MXD1: variants seen among roughly 807,000 people sequenced by gnomAD.
MXD1 encodes the protein MAX dimerization protein 1, also known as MAX-binding protein.
A neutral mutation model predicts 25.7 loss-of-function variants in MXD1; 9 were observed. The observed-to-expected ratio is 0.35, with a 90% CI of 0.21 to 0.61. MXD1 has a LOEUF of 0.61. Ranked by LOEUF, MXD1 falls within the 20% of genes least tolerant of loss-of-function variation. MXD1 has a pLI of 0.75. For missense variants in MXD1, 227 were observed against 292.4 expected (o/e 0.78, Z 1.63); for synonymous variants, 99 against 113.9 (o/e 0.87, Z 0.83).
chr2:69,932,204 C>T (rs1356255639), intron 3 of MXD1, among the ~76,000 whole-genome samples: 1 of 151,802 alleles, frequency 6.6e-6, no homozygotes, highest in Non-Finnish European at 1.5e-5. Context: ...ATTCTAGATC[C>T]CAGGAGTTTG....
At chr2:69,937,054 C>G in intron 4 of MXD1, 181 bp from the exon 5 acceptor site, 1 of 803,198 alleles carries the variant, frequency 1.2e-6, no homozygotes, top group South Asian at 1.4e-5. Context: ...GCTGAAGAGT[C>G]AGACGAAGCC....
intron 3 of MXD1, among the ~76,000 whole-genome samples, chr2:69,924,610 T>C (rs1677135408): frequency 6.6e-6 from 1 of 152,206 alleles, no homozygotes; most frequent in Admixed American, 6.5e-5. Context: ...CTGAGTTCTA[T>C]AAAAGAATAC....
At chr2:69,933,200 CAAAAAAAAAAAAA>C (rs59201689) in intron 3 of MXD1, among the ~76,000 whole-genome samples, 1 of 80,144 alleles carries the variant, frequency 1.2e-5, no homozygotes, top group African/African-American at 4.2e-5. Flanking sequence ...AACTCTGTCT[CAAAAAAAAAAAAA>C]AAAAAAAAAA....
chr2:69,936,679 G>A (rs1027520611), intron 4 of MXD1, among the ~76,000 whole-genome samples: 2 of 152,198 alleles, frequency 1.3e-5, no homozygotes, highest in East Asian at 3.8e-4. Flanking sequence ...CTATGGAAAT[G>A]TGTTTTCTAA....
At position 69,938,365 on chromosome 2, in the gene MXD1, T is replaced by C; in HGVS notation, c.*81T>C. The C allele has an allele frequency of 1.4e-6, 2 of 1,433,342 alleles. No homozygotes were observed. Among genetic ancestry groups the C allele is most frequent in the Non-Finnish European group, 1.9e-6 (2 of 1,043,606 alleles). The allele number at this position is 1,433,342 out of a possible 1,614,324, so 88.8% of individuals were successfully genotyped here. ...GTAACGTATTGGACCTGCCCACAAC[T>C]CCCTTGCACGTAAACTTCAGTGTCC... On this transcript the variant is annotated 3_prime_UTR_variant, in exon 6 of 6. Coordinates refer to ENST00000264444, the MANE Select transcript of MXD1 (RefSeq NM_002357.4).
intron 3 of MXD1, among the ~76,000 whole-genome samples, chr2:69,926,455 A>T (rs1250546557): frequency 6.6e-6 from 1 of 152,136 alleles, no homozygotes; most frequent in African/African-American, 2.4e-5. Context: ...TTGACATTGC[A>T]TAATTCCAAT....
At chr2:69,930,479 A>G (rs1399688947) in intron 3 of MXD1, among the ~76,000 whole-genome samples, 1 of 152,216 alleles carries the variant, frequency 6.6e-6, no homozygotes, top group African/African-American at 2.4e-5. Context: ...GTGAACAGGA[A>G]ATAAAGGAAT....
chr2:69,940,007 T>C lies in MXD1; in HGVS notation c.*1723T>C, dbSNP rs1677558253. 6.6e-6 allele frequency: 1 copy of C among 152,128 alleles called. No homozygotes were observed. The highest frequency in any genetic ancestry group is 1.5e-5 in the Non-Finnish European group (1 of 68,024). The allele number at this position is 152,128 out of a possible 1,614,324, so 9.4% of individuals were successfully genotyped here. ...TGTTTTTTAAAAAATGATTCTTTAA[T>C]GTATTTTTCTAAACATTCTGATTGG... On this transcript the variant is annotated 3_prime_UTR_variant, in exon 6 of 6. Transcript: ENST00000264444.
At chr2:69,929,608 A>G (rs1677240329) in intron 3 of MXD1, among the ~76,000 whole-genome samples, 3 of 152,228 alleles carry the variant, frequency 2.0e-5, no homozygotes, top group Admixed American at 1.3e-4. Context: ...TTACTTGGAT[A>G]TTTACTTTCC....
At chr2:69,929,049 G>A (rs930306514) in intron 3 of MXD1, among the ~76,000 whole-genome samples, 7 of 151,934 alleles carry the variant, frequency 4.6e-5, no homozygotes, top group Admixed American at 6.6e-5. Context: ...GTGTGCCACC[G>A]CACCTGGCTA....
In MXD1 at chr2:69,938,375, G is replaced by A. The variant is rs958065528; in HGVS notation, c.*91G>A. On this transcript the variant is annotated 3_prime_UTR_variant, in exon 6 of 6. Coordinates refer to ENST00000264444, the MANE Select transcript of MXD1 (RefSeq NM_002357.4). Reference sequence around the variant, plus strand: ...GGACCTGCCCACAACTCCCTTGCACGTAAACTTCAGTGTCCCACCTTGACC... The same window carrying A: ...GGACCTGCCCACAACTCCCTTGCACATAAACTTCAGTGTCCCACCTTGACC... 14 of 1,344,510 alleles carry A rather than the reference G, an allele frequency of 1.0e-5. No individual in the cohort carries two copies. Among genetic ancestry groups the A allele is most frequent in the Admixed American group, 4.0e-5 (2 of 49,528 alleles). 83.3% of individuals were successfully genotyped at this position (1,344,510 alleles called of 1,614,324 possible). A position where few individuals can be genotyped will look rare whatever the true frequency, so the allele number is the denominator to read the frequency against.
rs1032332403 is a variant in MXD1, at chr2:69,938,431, G to A, written c.*147G>A. On this transcript the variant is annotated 3_prime_UTR_variant, in exon 6 of 6. Coordinates refer to ENST00000264444, the MANE Select transcript of MXD1 (RefSeq NM_002357.4). The stretch of plus-strand genomic sequence containing the variant: ...CAGCTTTGTAACTGTTTTCAAGGAG[G>A]TGCTTAGGATTGTGGGTTTCTGATT... 1 of 772,054 alleles carries A rather than the reference G, an allele frequency of 1.3e-6. No homozygotes were observed. Among genetic ancestry groups the A allele is most frequent in the Non-Finnish European group, 2.1e-6 (1 of 481,578 alleles). The allele number at this position is 772,054 out of a possible 1,614,324, so 47.8% of individuals were successfully genotyped here. A position where few individuals can be genotyped will look rare whatever the true frequency, so the allele number is the denominator to read the frequency against.
chr2:69,921,352 G>T (rs535400178), intron 2 of MXD1, among the ~76,000 whole-genome samples: 2 of 152,266 alleles, frequency 1.3e-5, no homozygotes, highest in Admixed American at 6.5e-5. Context: ...CTGCAGGGGT[G>T]GGGTAGGGGT....
chr2:69,928,363 G>C (rs1188271291), intron 3 of MXD1, among the ~76,000 whole-genome samples: 1 of 152,214 alleles, frequency 6.6e-6, no homozygotes, highest in Non-Finnish European at 1.5e-5. Flanking sequence ...AGTTAAGTCA[G>C]ATGGGATGTT....
Position 69,938,872 on chromosome 2 carries a change from G to A in MXD1, c.*588G>A, listed in dbSNP as rs1436577403. On this transcript the variant is annotated 3_prime_UTR_variant, in exon 6 of 6. Coordinates refer to ENST00000264444, the MANE Select transcript of MXD1 (RefSeq NM_002357.4). Reference sequence around the variant, plus strand: ...CCCCCGACGCGCCGCGTGTGGATGGGAGCAGTATTTCTCACTTTAAAATGG... The same window carrying A: ...CCCCCGACGCGCCGCGTGTGGATGGAAGCAGTATTTCTCACTTTAAAATGG... 2 of 152,818 alleles carry A rather than the reference G, an allele frequency of 1.3e-5. No homozygotes were observed. Among genetic ancestry groups the A allele is most frequent in the African/African-American group, 4.8e-5 (2 of 41,424 alleles). The allele number at this position is 152,818 out of a possible 1,614,324, so 9.5% of individuals were successfully genotyped here.
At chr2:69,933,307 T>A (rs1186645734) in intron 3 of MXD1, among the ~76,000 whole-genome samples, 1 of 152,062 alleles carries the variant, frequency 6.6e-6, no homozygotes, top group Non-Finnish European at 1.5e-5. Context: ...TCTCATAGTG[T>A]TTCTAATAAC....
chr2:69,921,981 G>GC (rs1426025180), intron 3 of MXD1, among the ~76,000 whole-genome samples: 1 of 152,158 alleles, frequency 6.6e-6, no homozygotes, highest in East Asian at 1.9e-4. Context: ...ACCCGCACCA[G>GC]CCCACTCCTG....
chr2:69,930,412 G>A (rs909483368), intron 3 of MXD1, among the ~76,000 whole-genome samples: 3 of 152,158 alleles, frequency 2.0e-5, no homozygotes, highest in African/African-American at 7.2e-5. Flanking sequence ...AAGCAGAAGT[G>A]AGGCAGCTGC....
chr2:69,937,163 G>A, intron 4 of MXD1, 72 bp from the exon 5 acceptor site: 1 of 1,583,556 alleles, frequency 6.3e-7, no homozygotes, highest in South Asian at 1.1e-5. Flanking sequence ...CTGCTAGAAG[G>A]GAAGATGCGG....
Sources: allele counts gnomAD v4.1 joint callset (sites outside exome capture counted in the v4.1 genomes callset), GRCh38; gene constraint gnomAD v4.1.1; transcripts MANE v1.5; gene names NCBI Gene and HGNC (gene_info 2026-07-23, HGNC 2026-07-21).